The following MRE11 variants were observed in gnomAD, a reference collection of about 807,000 sequenced individuals.
MRE11 encodes the protein MRE11 double strand break repair nuclease.
Under a neutral mutation model 91.7 loss-of-function variants are expected in MRE11, and 62 were observed. The observed-to-expected ratio is 0.68, with a 90% CI of 0.55 to 0.84. The LOEUF is 0.84. Ranked by LOEUF, MRE11 falls within the 40% of genes least tolerant of loss-of-function variation. The probability of loss-of-function intolerance (pLI) is 0.00; values close to 1 mark genes in which losing one functional copy is unlikely to be tolerated. For missense variants in MRE11, 796 were observed against 852.9 expected (o/e 0.93, Z 0.83); for synonymous variants, 273 against 271.4 (o/e 1.01, Z -0.06).
chr11:94,442,398 T>C (rs1378594196), intron 16 of MRE11, among the ~76,000 whole-genome samples: 2 of 152,142 alleles, frequency 1.3e-5, no homozygotes, highest in Admixed American at 1.3e-4. Context: ...TTTTAAGTGA[T>C]GAATTCTACC....
intron 14 of MRE11, 23 bp from the exon 15 acceptor site, chr11:94,447,461 A>G: frequency 6.2e-7 from 1 of 1,602,740 alleles, no homozygotes; most frequent in African/African-American, 1.3e-5. Flanking sequence ...AGAAGGAGAA[A>G]GTACACACAA....
At chr11:94,442,766 GGA>G (rs966634630) in intron 16 of MRE11, among the ~76,000 whole-genome samples, 6 of 152,250 alleles carry the variant, frequency 3.9e-5, no homozygotes, top group African/African-American at 1.4e-4. Flanking sequence ...AAACAAACTA[GGA>G]GAGTGACTGA....
intron 14 of MRE11, 37 bp downstream of exon 14, chr11:94,456,239 G>A: frequency 6.4e-7 from 1 of 1,572,074 alleles, no homozygotes; most frequent in Non-Finnish European, 8.7e-7. Flanking sequence ...TTAAGAAAGT[G>A]ATATATAAAC....
intron 16 of MRE11, among the ~76,000 whole-genome samples, chr11:94,443,267 T>C (rs189038817): frequency 6.6e-6 from 1 of 152,336 alleles, no homozygotes; most frequent in Admixed American, 6.5e-5. Context: ...CTCTGGAAAC[T>C]AGTACAGTGG....
chr11:94,503,227 G>A, the MRE11 span, among the ~76,000 whole-genome samples: 4 of 151,850 alleles, frequency 2.6e-5, no homozygotes, highest in Admixed American at 1.3e-4. Flanking sequence ...ACTACTTCCC[G>A]TTTACCCTTG....
chr11:94,463,664 A>C (rs1946480053), intron 11 of MRE11, among the ~76,000 whole-genome samples: 1 of 152,114 alleles, frequency 6.6e-6, no homozygotes, highest in African/African-American at 2.4e-5. Flanking sequence ...CATCATTCTG[A>C]GCAAACTACC....
intron 7 of MRE11, among the ~76,000 whole-genome samples, chr11:94,472,506 T>G (rs1426602334): frequency 7.9e-5 from 12 of 152,126 alleles, no homozygotes; most frequent in Non-Finnish European, 1.5e-5. Flanking sequence ...GTCCCAGGCT[T>G]CTTCTAGATA....
At chr11:94,457,435 C>A (rs191370201) in intron 13 of MRE11, among the ~76,000 whole-genome samples, 5 of 152,166 alleles carry the variant, frequency 3.3e-5, no homozygotes, top group Admixed American at 3.3e-4. Context: ...AAAATGGGAT[C>A]GAGAGTTTTG....
chr11:94,459,385 A>C, intron 13 of MRE11, 23 bp downstream of exon 13: 1 of 1,612,706 alleles, frequency 6.2e-7, no homozygotes, highest in Non-Finnish European at 8.5e-7. Context: ...AAATAGACCT[A>C]GACACTCAAA....
In MRE11 at chr11:94,467,952, A is replaced by G; in HGVS notation, c.1018-59T>C. 2.3e-6 allele frequency: 3 copies of G among 1,303,180 alleles called. No individual in the cohort carries two copies. In the East Asian group the frequency reaches 7.0e-5, roughly 30 times the overall value. 80.7% of individuals were successfully genotyped at this position (1,303,180 alleles called of 1,614,324 possible). A position where few individuals can be genotyped will look rare whatever the true frequency, so the allele number is the denominator to read the frequency against. On this transcript the variant is annotated intron_variant, in intron 9 of 19. Coordinates refer to ENST00000323929, the MANE Select transcript of MRE11 (RefSeq NM_005591.4). ...AGTAAACTGAGTTTAACTTGGCTGA[A>G]TAGCAGCTTATTACCACAGGAATTT...
At chr11:94,508,483 T>G in the MRE11 span, among the ~76,000 whole-genome samples, 1 of 152,180 alleles carries the variant, frequency 6.6e-6, no homozygotes, top group African/African-American at 2.4e-5. Flanking sequence ...TTTCCTATAT[T>G]AATATCCAAT....
In MRE11 at chr11:94,433,628, A is replaced by G. The variant is rs187651531; in HGVS notation, c.1994+2204T>C. Among the ~76,000 whole-genome samples, 1,074 of 152,310 alleles carry G rather than the reference A, an allele frequency of 7.1e-3. 6 individuals are homozygous for G. Among genetic ancestry groups the G allele is most frequent in the South Asian group, 0.02 (97 of 4,818 alleles). On this transcript the variant is annotated intron_variant, in intron 18 of 19. Transcript: ENST00000323929. Reference sequence around the variant, plus strand: ...CCCCCATACTAATCTCGTGGTAGTGAATAGGTCTCACAAGATCTTTCACTT... The same window carrying G: ...CCCCCATACTAATCTCGTGGTAGTGGATAGGTCTCACAAGATCTTTCACTT...
intron 6 of MRE11, among the ~76,000 whole-genome samples, chr11:94,478,281 T>C (rs1311805559): frequency 6.6e-6 from 1 of 152,188 alleles, no homozygotes; most frequent in Non-Finnish European, 1.5e-5. Flanking sequence ...AAGAAAAGTA[T>C]ATTTCACTTC....
At chr11:94,446,457 T>G (rs910172891) in intron 15 of MRE11, among the ~76,000 whole-genome samples, 1 of 152,126 alleles carries the variant, frequency 6.6e-6, no homozygotes, top group Non-Finnish European at 1.5e-5. Flanking sequence ...AGGAAAAATT[T>G]TGTAAATGTA....
chr11:94,437,186 ATTC>A lies in MRE11; in HGVS notation c.1914_1916del (p.Lys638del), dbSNP rs1945642131. ...AAACTTTTTTTCTTACCTCTGAATAATTCTTAGTAGTGACATTTCGGGAAGGCT... is the reference window on the plus strand; with the variant it reads ...AAACTTTTTTTCTTACCTCTGAATAATTAGTAGTGACATTTCGGGAAGGCT... On this transcript the variant is annotated inframe_deletion, in exon 17 of 20. Transcript: ENST00000323929. 1 of 1,612,464 alleles carries A rather than the reference ATTC, an allele frequency of 6.2e-7. No homozygotes were observed. The highest frequency in any genetic ancestry group is 8.5e-7 in the Non-Finnish European group (1 of 1,179,226).
chr11:94,475,718 A>C (rs1479094876), intron 7 of MRE11: 2 of 439,950 alleles, frequency 4.5e-6, no homozygotes, highest in Non-Finnish European at 9.0e-6. Flanking sequence ...TGTAGCAGGA[A>C]ACATGTCTAA....
chr11:94,469,175 T>C (rs1173293482), intron 9 of MRE11, among the ~76,000 whole-genome samples: 1 of 152,218 alleles, frequency 6.6e-6, no homozygotes. Flanking sequence ...TCTGGATTCA[T>C]GTCACCAAAG....
chr11:94,427,771 G>A (rs1034294603), intron 19 of MRE11, among the ~76,000 whole-genome samples: 1 of 151,606 alleles, frequency 6.6e-6, no homozygotes, highest in African/African-American at 2.4e-5. Context: ...GTCAAATCAA[G>A]AACAACACAA....
At position 94,420,029 on chromosome 11, in the gene MRE11, A is replaced by G. The variant is rs1565195921; in HGVS notation, c.*96T>C. ...ATTTCTTACTTATGGAGTTATGCTC[A>G]GGAAACAATACTTAAAATCTTAAAC... On this transcript the variant is annotated 3_prime_UTR_variant, in exon 20 of 20. Transcript: ENST00000323929. The G allele has an allele frequency of 1.0e-6, 1 of 998,192 alleles. No individual in the cohort carries two copies. The highest frequency in any genetic ancestry group is 2.5e-5 in the East Asian group (1 of 39,776). 61.8% of individuals were successfully genotyped at this position (998,192 alleles called of 1,614,324 possible).
Sources: gnomAD v4.1 joint callset for allele counts (sites outside exome capture counted in the v4.1 genomes callset) on GRCh38, gnomAD v4.1.1 for gene constraint, MANE v1.5 for transcripts, NCBI Gene and HGNC (gene_info 2026-07-23, HGNC 2026-07-21) for gene names.